CNBD1: variants seen among roughly 807,000 people sequenced by gnomAD.
CNBD1 encodes the protein cyclic nucleotide binding domain containing 1.
CNBD1 carries 71 observed loss-of-function variants against 54.4 expected under a neutral mutation model. That is an observed-to-expected ratio of 1.30 (90% confidence interval 1.08 to 1.59). The LOEUF is 1.59. Ranked by LOEUF, CNBD1 falls within the 40% of genes most tolerant of loss-of-function variation. CNBD1 has a pLI of 0.00. For missense variants in CNBD1, 659 were observed against 518.0 expected (o/e 1.27, Z -2.64); for synonymous variants, 182 against 170.7 (o/e 1.07, Z -0.51).
intron 8 of CNBD1, among the ~76,000 whole-genome samples, chr8:87,318,182 TG>T (rs10710920): frequency 0.38 from 57,110 of 151,806 alleles, 11,004 homozygotes; most frequent in Middle Eastern, 0.45. Context: ...CTCTTATTTC[TG>T]GTTTTCTTTC....
At chr8:87,073,319 G>T (rs1486609807) in intron 4 of CNBD1, among the ~76,000 whole-genome samples, 1 of 151,988 alleles carries the variant, frequency 6.6e-6, no homozygotes, top group Non-Finnish European at 1.5e-5. Flanking sequence ...AGCCATTTTA[G>T]CCTCAGCCCA....
chr8:87,359,830 C>T (rs1317851513), intron 10 of CNBD1, among the ~76,000 whole-genome samples: 1 of 151,922 alleles, frequency 6.6e-6, no homozygotes, highest in Non-Finnish European at 1.5e-5. Context: ...TGTTATATTA[C>T]ATAGGTGTTA....
intron 4 of CNBD1, among the ~76,000 whole-genome samples, chr8:86,967,625 C>A (rs1372457541): frequency 6.6e-6 from 1 of 152,216 alleles, no homozygotes; most frequent in Non-Finnish European, 1.5e-5. Flanking sequence ...TTATTTCTAA[C>A]ATTTTTTAAA....
intron 6 of CNBD1, among the ~76,000 whole-genome samples, chr8:87,248,832 C>T (rs1387376719): frequency 6.6e-6 from 1 of 152,020 alleles, no homozygotes; most frequent in Admixed American, 6.6e-5. Flanking sequence ...GTGGGCTTAC[C>T]AAAACTGTGA....
chr8:87,363,616 C>T (rs1005587519), intron 10 of CNBD1, among the ~76,000 whole-genome samples: 1 of 152,032 alleles, frequency 6.6e-6, no homozygotes. Context: ...TGATGATGAG[C>T]TTTTTTTCAT....
chr8:86,895,513 T>TTA (rs1384177491), intron 2 of CNBD1, among the ~76,000 whole-genome samples: 1 of 152,190 alleles, frequency 6.6e-6, no homozygotes, highest in East Asian at 1.9e-4. Context: ...ATGCTTAGCT[T>TTA]TATAAGAAAC....
chr8:87,420,636 C>T (rs1807914392), intron 2 of CNBD1, among the ~76,000 whole-genome samples: 1 of 152,048 alleles, frequency 6.6e-6, no homozygotes, highest in South Asian at 2.1e-4. Context: ...TACTTAACGA[C>T]CACTCTCTTT....
chr8:87,223,748 T>C (rs1814405035), intron 5 of CNBD1, among the ~76,000 whole-genome samples: 2 of 152,118 alleles, frequency 1.3e-5, no homozygotes, highest in South Asian at 2.1e-4. Context: ...GTCCTTTGGG[T>C]ATATACCCAG....
At chr8:87,052,841 G>A (rs1316735625) in intron 4 of CNBD1, among the ~76,000 whole-genome samples, 4 of 152,184 alleles carry the variant, frequency 2.6e-5, no homozygotes, top group African/African-American at 4.8e-5. Context: ...GGTCATCAGA[G>A]AACCTTCCCA....
At chr8:86,951,482 A>T (rs1445421212) in intron 4 of CNBD1, among the ~76,000 whole-genome samples, 2 of 148,898 alleles carry the variant, frequency 1.3e-5, no homozygotes, top group African/African-American at 4.9e-5. Flanking sequence ...CTGGAGGCTG[A>T]GACAGGAGAA....
chr8:87,343,003 A>T (rs559336636), intron 8 of CNBD1, among the ~76,000 whole-genome samples: 1 of 152,268 alleles, frequency 6.6e-6, no homozygotes, highest in South Asian at 2.1e-4. Flanking sequence ...TCTCGACTGC[A>T]TAAGACAGAC....
chr8:87,369,253 C>A lies in CNBD1; in HGVS notation c.1304-13367C>A, dbSNP rs145557556. Among the ~76,000 whole-genome samples the A allele has an allele frequency of 1.2e-4, 18 of 152,052 alleles. No homozygotes were observed. The East Asian group carries it at 3.3e-3, about 28-fold the overall frequency. On this transcript the variant is annotated intron_variant, in intron 10 of 10. Coordinates refer to ENST00000518476, the MANE Select transcript of CNBD1 (RefSeq NM_173538.3). ...ATTACATTGATATAGCTAAGAAGCC[C>A]TGAACTCAAGTGTAAGATTTGGTTT...
intron 8 of CNBD1, among the ~76,000 whole-genome samples, chr8:87,296,692 A>T (rs1332917183): frequency 6.6e-6 from 1 of 151,938 alleles, no homozygotes; most frequent in Non-Finnish European, 1.5e-5. Flanking sequence ...TGACCACTGA[A>T]TTCATTTCCT....
At position 86,945,261 on chromosome 8, in the gene CNBD1, G is replaced by C. The variant is rs75643459; in HGVS notation, c.431+5507G>C. Among the ~76,000 whole-genome samples the C allele has an allele frequency of 5.4e-3, 821 of 152,196 alleles. 7 individuals are homozygous for C. Among genetic ancestry groups the C allele is most frequent in the African/African-American group, 0.017 (710 of 41,520 alleles). On this transcript the variant is annotated intron_variant, in intron 4 of 10. Transcript: ENST00000518476. Reference sequence around the variant, plus strand: ...AGATTAAGATCCTCTGAGAAAACTTGGCCCGATTGTTTTTTCTTCTACTTT... The same window carrying C: ...AGATTAAGATCCTCTGAGAAAACTTCGCCCGATTGTTTTTTCTTCTACTTT...
At chr8:86,963,885 A>T (rs1410478490) in intron 4 of CNBD1, among the ~76,000 whole-genome samples, 1 of 152,120 alleles carries the variant, frequency 6.6e-6, no homozygotes, top group Non-Finnish European at 1.5e-5. Flanking sequence ...GGAGATGGCA[A>T]TCTGGACCTT....
chr8:87,333,403 A>G (rs1356313205), intron 8 of CNBD1, among the ~76,000 whole-genome samples: 1 of 152,156 alleles, frequency 6.6e-6, no homozygotes, highest in African/African-American at 2.4e-5. Flanking sequence ...CAGAACTTCC[A>G]ATACTATGTT....
At chr8:86,886,266 G>C (rs977580238) in intron 1 of CNBD1, among the ~76,000 whole-genome samples, 2 of 151,980 alleles carry the variant, frequency 1.3e-5, no homozygotes, top group Admixed American at 6.6e-5. Context: ...TAGACTAAAA[G>C]GTAGTTTAGA....
intron 8 of CNBD1, among the ~76,000 whole-genome samples, chr8:87,316,898 A>G (rs1809397299): frequency 1.3e-5 from 2 of 151,754 alleles, no homozygotes; most frequent in South Asian, 2.1e-4. Flanking sequence ...ATAAATATTC[A>G]TTATATAATG....
chr8:87,373,373 G>T (rs898355610), intron 10 of CNBD1, among the ~76,000 whole-genome samples: 1 of 151,784 alleles, frequency 6.6e-6, no homozygotes, highest in Non-Finnish European at 1.5e-5. Flanking sequence ...AATTTGGAGT[G>T]CTGCTAGGCA....
Sources: gnomAD v4.1 joint callset for allele counts (sites outside exome capture counted in the v4.1 genomes callset) on GRCh38, gnomAD v4.1.1 for gene constraint, MANE v1.5 for transcripts, NCBI Gene and HGNC (gene_info 2026-07-23, HGNC 2026-07-21) for gene names.